Variants in SPECC1 observed in about 807,000 individuals in gnomAD.
SPECC1 encodes the protein sperm antigen with calponin homology and coiled-coil domains 1.
In SPECC1, 62 loss-of-function variants were observed where a neutral mutation model predicts 104.1. The ratio of observed to expected loss-of-function variants is 0.60; its 90% CI spans 0.49 to 0.74. The LOEUF (loss-of-function observed/expected upper bound fraction) is 0.74, where lower values mean the gene tolerates loss of function less well. Ranked by LOEUF, SPECC1 falls within the 30% of genes least tolerant of loss-of-function variation. SPECC1 has a pLI of 0.00. For missense variants in SPECC1, 1,306 were observed against 1,310.5 expected (o/e 1.00, Z 0.05); for synonymous variants, 513 against 501.6 (o/e 1.02, Z -0.30).
chr17:20,141,564 T>C (rs1366259089), intron 3 of SPECC1, among the ~76,000 whole-genome samples: 1 of 152,184 alleles, frequency 6.6e-6, no homozygotes, highest in Non-Finnish European at 1.5e-5. Context: ...TTGATAATAA[T>C]TTACATACCA....
In SPECC1 at chr17:20,314,284, CTTT is replaced by C. The variant is rs536036413; in HGVS notation, c.*220_*222del. The C allele has an allele frequency of 3.8e-3, 2,180 of 577,010 alleles. 7 individuals are homozygous for C. Among genetic ancestry groups the C allele is most frequent in the Middle Eastern group, 0.012 (25 of 2,122 alleles). The allele number at this position is 577,010 out of a possible 1,614,324, so 35.7% of individuals were successfully genotyped here. On this transcript the variant is annotated 3_prime_UTR_variant, in exon 15 of 15. Coordinates refer to ENST00000395527, the MANE Select transcript of SPECC1 (RefSeq NM_001243439.2). ...GCAGCTGGACTGTAAATTGGGGACT[CTTT>C]GATCTCTTGTGGGATGCTTCTAAAG...
intron 9 of SPECC1, among the ~76,000 whole-genome samples, chr17:20,249,013 T>A (rs2039525914): frequency 6.6e-6 from 1 of 152,218 alleles, no homozygotes; most frequent in South Asian, 2.1e-4. Flanking sequence ...TCCCCTATCT[T>A]AACTGCCTTC....
intron 3 of SPECC1, chr17:20,155,846 C>T: frequency 1.0e-6 from 1 of 958,744 alleles, no homozygotes; most frequent in Non-Finnish European, 1.3e-6. Flanking sequence ...GGCGCGGGGC[C>T]TTCTGGCAGC....
chr17:20,106,916 G>T (rs2048230674), intron 2 of SPECC1, among the ~76,000 whole-genome samples: 1 of 151,956 alleles, frequency 6.6e-6, no homozygotes, highest in South Asian at 2.1e-4. Context: ...TAGCACTTTG[G>T]GAGGCTGAGG....
At chr17:20,104,185 G>A (rs1345198025) in intron 2 of SPECC1, among the ~76,000 whole-genome samples, 1 of 152,152 alleles carries the variant, frequency 6.6e-6, no homozygotes, top group African/African-American at 2.4e-5. Context: ...TGTAAGGAGG[G>A]TGAAAAAGCA....
intron 4 of SPECC1, among the ~76,000 whole-genome samples, chr17:20,217,262 A>ATT (rs1302902014): frequency 2.0e-5 from 3 of 149,108 alleles, no homozygotes; most frequent in African/African-American, 7.4e-5. Context: ...CAGTTTTTTT[A>ATT]TTGTGTGTGT....
In SPECC1 at chr17:20,110,412, T is replaced by C. The variant is rs1380622066; in HGVS notation, c.148-15T>C. 1.9e-6 allele frequency: 3 copies of C among 1,602,720 alleles called. No individual in the cohort carries two copies. In the Admixed American group the frequency reaches 5.1e-5, roughly 27 times the overall value. On this transcript the variant is annotated splice_polypyrimidine_tract_variant and intron_variant, in intron 2 of 14. Coordinates refer to ENST00000395527, the MANE Select transcript of SPECC1 (RefSeq NM_001243439.2). ...CCACCTCTTCATCCTCTCTCTTTCC[T>C]TCCAACTCTCTCAGCTCAAGAGGGC...
chr17:20,063,713 A>C (rs776498865), intron 1 of SPECC1, among the ~76,000 whole-genome samples: 4 of 152,216 alleles, frequency 2.6e-5, no homozygotes, highest in Non-Finnish European at 5.9e-5. Context: ...CAGGCAGTTC[A>C]GAATCCATCA....
At position 20,257,670 on chromosome 17, in the gene SPECC1, T is replaced by C; in HGVS notation, c.2837+63T>C. 2.5e-6 allele frequency: 4 copies of C among 1,584,612 alleles called. No homozygotes were observed. In the South Asian group the frequency reaches 3.4e-5, roughly 14 times the overall value. ...CGGGCTAATCACCTTTTATTCTTCC[T>C]TCCGTTTTGTCCCCGTGGCCAATTT... is the stretch of plus-strand genomic sequence containing the variant. On this transcript the variant is annotated intron_variant, in intron 11 of 14. Coordinates refer to ENST00000395527, the MANE Select transcript of SPECC1 (RefSeq NM_001243439.2).
chr17:20,266,838 C>T (rs1230494711), intron 12 of SPECC1, among the ~76,000 whole-genome samples: 1 of 152,184 alleles, frequency 6.6e-6, no homozygotes, highest in Non-Finnish European at 1.5e-5. Context: ...ACTTGCTCCC[C>T]TCTCTTGAAG....
intron 1 of SPECC1, among the ~76,000 whole-genome samples, chr17:20,023,263 C>T (rs1479003832): frequency 1.3e-5 from 2 of 152,216 alleles, no homozygotes; most frequent in African/African-American, 2.4e-5. Context: ...ACTGTAGTTT[C>T]TGATCCATGT....
chr17:20,265,607 C>T (rs202068111), intron 12 of SPECC1, among the ~76,000 whole-genome samples: 24 of 152,254 alleles, frequency 1.6e-4, no homozygotes, highest in South Asian at 4.1e-4. Flanking sequence ...TTAGATTCCA[C>T]TTGTCAATTT....
chr17:20,149,930 T>C (rs1412728269), intron 3 of SPECC1, among the ~76,000 whole-genome samples: 1 of 152,202 alleles, frequency 6.6e-6, no homozygotes, highest in Non-Finnish European at 1.5e-5. Flanking sequence ...TGTTAAGAAT[T>C]ATCTTGCAAG....
chr17:20,256,277 C>A (rs765473776), intron 10 of SPECC1, among the ~76,000 whole-genome samples: 2 of 152,050 alleles, frequency 1.3e-5, no homozygotes, highest in East Asian at 3.9e-4. Context: ...CCTACTTAGC[C>A]CCCACCAGGC....
intron 1 of SPECC1, among the ~76,000 whole-genome samples, chr17:20,068,014 T>G (rs2046419793): frequency 2.0e-5 from 3 of 152,128 alleles, no homozygotes; most frequent in Admixed American, 2.0e-4. Flanking sequence ...AGGTTCTTGC[T>G]CTGTCACCCA....
At chr17:20,040,430 T>C (rs1167540779) in intron 1 of SPECC1, among the ~76,000 whole-genome samples, 1 of 152,202 alleles carries the variant, frequency 6.6e-6, no homozygotes, top group Non-Finnish European at 1.5e-5. Flanking sequence ...ATTTCTTTCT[T>C]CTTGATGTTT....
chr17:20,034,505 A>G (rs1018908729), intron 1 of SPECC1, among the ~76,000 whole-genome samples: 2 of 152,166 alleles, frequency 1.3e-5, no homozygotes, highest in Non-Finnish European at 2.9e-5. Flanking sequence ...TGCTGGAATT[A>G]CAGGCATGAG....
intron 2 of SPECC1, among the ~76,000 whole-genome samples, chr17:20,108,362 C>T (rs1045164817): frequency 6.6e-6 from 1 of 152,112 alleles, no homozygotes; most frequent in Non-Finnish European, 1.5e-5. Context: ...ACAATAAAAT[C>T]CATAAAGTAC....
chr17:20,085,218 T>A (rs1344369423), intron 1 of SPECC1, among the ~76,000 whole-genome samples: 1 of 152,150 alleles, frequency 6.6e-6, no homozygotes, highest in Non-Finnish European at 1.5e-5. Flanking sequence ...GCACTTGGTG[T>A]GCCTTATCCT....
Sources: allele counts gnomAD v4.1 joint callset (sites outside exome capture counted in the v4.1 genomes callset), GRCh38; gene constraint gnomAD v4.1.1; transcripts MANE v1.5; gene names NCBI Gene and HGNC (gene_info 2026-07-23, HGNC 2026-07-21).